Variants in KLHL22 observed in about 807,000 individuals in gnomAD.
KLHL22 encodes the protein kelch-like protein 22.
In KLHL22, 18 loss-of-function variants were observed where a neutral mutation model predicts 60.7. The observed-to-expected ratio is 0.30, with a 90% CI of 0.20 to 0.44. The LOEUF is 0.44. Among genes scored for constraint, KLHL22 ranks in the 20% least tolerant of loss-of-function variants. KLHL22 has a pLI of 1.00. For missense variants in KLHL22, 596 were observed against 852.3 expected, an observed-to-expected ratio of 0.70 and a Z score of 3.74; for synonymous variants, 355 against 354.5, an observed-to-expected ratio of 1.00 and a Z score of -0.01.
chr22:20,443,564 C>T (rs915837474), intron 6 of KLHL22, among the ~76,000 whole-genome samples: 6 of 151,666 alleles, frequency 4.0e-5, no homozygotes, highest in Non-Finnish European at 7.4e-5. Flanking sequence ...CATGGTGAAA[C>T]CTCGTCTCTA....
In KLHL22 at chr22:20,441,730, GC is replaced by G. The variant is rs1569116131; in HGVS notation, c.*342del. 4.1e-6 allele frequency: 1 copy of G among 243,048 alleles called. No homozygotes were observed. 15.1% of individuals were successfully genotyped at this position (243,048 alleles called of 1,614,324 possible). ...AGAAAGAGGGCTACCACGTGCCTCA[GC>G]CCCCCTGCCCAGGCTGCCAGCTCCC... On this transcript the variant is annotated 3_prime_UTR_variant, in exon 7 of 7. Coordinates refer to ENST00000328879, the MANE Select transcript of KLHL22 (RefSeq NM_032775.4).
intron 6 of KLHL22, among the ~76,000 whole-genome samples, chr22:20,444,405 A>G (rs2052821192): frequency 1.3e-5 from 2 of 152,280 alleles, no homozygotes; most frequent in South Asian, 4.1e-4. Context: ...TTGTGGTGAT[A>G]GGTTACTGAA....
At chr22:20,452,316 A>G (rs1040148851) in intron 5 of KLHL22, among the ~76,000 whole-genome samples, 8 of 152,056 alleles carry the variant, frequency 5.3e-5, no homozygotes, top group African/African-American at 1.9e-4. Context: ...TAGGGGCAAC[A>G]CAGTTCCATT....
intron 5 of KLHL22, among the ~76,000 whole-genome samples, chr22:20,453,977 C>T (rs2053022453): frequency 6.6e-6 from 1 of 152,140 alleles, no homozygotes; most frequent in African/African-American, 2.4e-5. Flanking sequence ...TCAAGCGATA[C>T]ACCATCCTCG....
At chr22:20,464,766 G>T (rs776819289) in intron 4 of KLHL22, 92 bp downstream of exon 4, 21 of 759,982 alleles carry the variant, frequency 2.8e-5, no homozygotes, top group Non-Finnish European at 4.3e-5. Flanking sequence ...CATGTGAAAG[G>T]CTGGGGGGAA....
At chr22:20,486,039 A>ATG (rs2053581226) in intron 2 of KLHL22, among the ~76,000 whole-genome samples, 1 of 150,152 alleles carries the variant, frequency 6.7e-6, no homozygotes, top group Non-Finnish European at 1.5e-5. Context: ...GTGGTGGCGC[A>ATG]CACCTGTAGT....
intron 5 of KLHL22, among the ~76,000 whole-genome samples, chr22:20,447,839 C>A (rs1413573555): frequency 6.6e-6 from 1 of 152,182 alleles, no homozygotes. Context: ...CCACGCCCAG[C>A]CGAGGTTTTT....
At chr22:20,470,163 G>A (rs918784030) in intron 3 of KLHL22, among the ~76,000 whole-genome samples, 9 of 147,212 alleles carry the variant, frequency 6.1e-5, no homozygotes, top group Admixed American at 2.0e-4. Flanking sequence ...ACATAACAAG[G>A]CCCCATTCCT....
At chr22:20,492,748 C>T (rs537758667) in intron 1 of KLHL22, among the ~76,000 whole-genome samples, 136 of 152,306 alleles carry the variant, frequency 8.9e-4, no homozygotes, top group Non-Finnish European at 1.6e-3. Context: ...CACCACCACA[C>T]CCAGCTAATT....
intron 2 of KLHL22, among the ~76,000 whole-genome samples, chr22:20,480,827 CTTTTTT>C (rs760373717): frequency 1.6e-5 from 2 of 121,570 alleles, no homozygotes; most frequent in African/African-American, 6.1e-5. Context: ...TTACGCCAAA[CTTTTTT>C]TTTTTTTTTT....
intron 1 of KLHL22, chr22:20,493,305 A>T (rs1245000950): frequency 2.2e-6 from 1 of 459,238 alleles, no homozygotes; most frequent in Non-Finnish European, 4.5e-6. Context: ...AAACTTAGCT[A>T]GGGGCTAAGG....
chr22:20,487,553 C>CA (rs2053606461), intron 2 of KLHL22, among the ~76,000 whole-genome samples: 1 of 151,968 alleles, frequency 6.6e-6, no homozygotes, highest in Non-Finnish European at 1.5e-5. Flanking sequence ...CACACACACA[C>CA]CCCCCTGTGA....
chr22:20,448,397 A>G (rs922027212), intron 5 of KLHL22, among the ~76,000 whole-genome samples: 2 of 152,214 alleles, frequency 1.3e-5, no homozygotes, highest in African/African-American at 4.8e-5. Context: ...CATTTCAGAT[A>G]AAGGGTACTC....
intron 5 of KLHL22, among the ~76,000 whole-genome samples, chr22:20,453,042 C>A (rs1228987373): frequency 6.6e-6 from 1 of 152,176 alleles, no homozygotes; most frequent in Non-Finnish European, 1.5e-5. Context: ...CATTTCTGAG[C>A]TATCATTCAA....
chr22:20,463,221 G>A (rs1258979952), intron 4 of KLHL22, among the ~76,000 whole-genome samples: 3 of 152,148 alleles, frequency 2.0e-5, no homozygotes, highest in Non-Finnish European at 2.9e-5. Context: ...AGGTCTTGCC[G>A]ACCCCACTTG....
chr22:20,479,009 A>G (rs2053457352), intron 2 of KLHL22, among the ~76,000 whole-genome samples: 1 of 151,706 alleles, frequency 6.6e-6, no homozygotes, highest in Non-Finnish European at 1.5e-5. Flanking sequence ...GGCGCCTGTA[A>G]TTCCAGCTAC....
chr22:20,442,343 C>T lies in KLHL22; in HGVS notation c.1635G>A (p.Arg545=). Residue 545 remains arginine (R), a synonymous_variant, in exon 7 of 7, where the codon AGG becomes AGA. Transcript: ENST00000328879. ...GEPGIAVLDN[R]IYVLGGRSHN... ...GTGAGCGGCCACCTAACACATAGAT[C>T]CTGTTGTCCAGCACAGCAATGCCAG... 3 of 1,613,982 alleles carry T rather than the reference C, an allele frequency of 1.9e-6. No individual in the cohort carries two copies. The highest frequency in any genetic ancestry group is 2.5e-6 in the Non-Finnish European group (3 of 1,180,018).
At chr22:20,473,387 A>G (rs909967461) in intron 2 of KLHL22, among the ~76,000 whole-genome samples, 10 of 152,134 alleles carry the variant, frequency 6.6e-5, no homozygotes, top group African/African-American at 2.4e-4. Flanking sequence ...GAGTCCCGTG[A>G]TTGTGTGATC....
chr22:20,493,362 G>A, intron 1 of KLHL22: 1 of 401,496 alleles, frequency 2.5e-6, no homozygotes, highest in Non-Finnish European at 5.0e-6. Context: ...AAGGAGCACA[G>A]CACAGGGTGC....
Sources: gnomAD v4.1 joint callset for allele counts (sites outside exome capture counted in the v4.1 genomes callset) on GRCh38, gnomAD v4.1.1 for gene constraint, MANE v1.5 for transcripts, NCBI Gene and HGNC (gene_info 2026-07-23, HGNC 2026-07-21) for gene names.